The following UIMC1 variants were observed in gnomAD, a reference collection of about 807,000 sequenced individuals.
UIMC1 encodes the protein BRCA1-A complex subunit RAP80.
A neutral mutation model predicts 84.9 loss-of-function variants in UIMC1; 42 were observed. That is an observed-to-expected ratio of 0.49 (90% CI 0.39 to 0.64). The LOEUF (loss-of-function observed/expected upper bound fraction) is 0.64, where lower values mean the gene tolerates loss of function less well. Among genes scored for constraint, UIMC1 ranks in the 30% least tolerant of loss-of-function variants. UIMC1 has a pLI of 0.00. For missense variants in UIMC1, 825 were observed against 847.6 expected (o/e 0.97, Z 0.33); for synonymous variants, 281 against 293.0 (o/e 0.96, Z 0.42).
At chr5:176,986,186 C>T (rs1368434692) in intron 1 of UIMC1, among the ~76,000 whole-genome samples, 1 of 151,416 alleles carries the variant, frequency 6.6e-6, no homozygotes, top group East Asian at 1.9e-4. Context: ...ATGGTAAAAC[C>T]CCATCTCCAC....
intron 1 of UIMC1, among the ~76,000 whole-genome samples, chr5:176,997,783 A>G (rs1486853932): frequency 6.7e-6 from 1 of 148,686 alleles, no homozygotes. Flanking sequence ...TATGTCCCGT[A>G]TTATCTGCCC....
chr5:176,968,315 T>C (rs983084830), intron 6 of UIMC1, among the ~76,000 whole-genome samples: 1 of 150,376 alleles, frequency 6.6e-6, no homozygotes, highest in East Asian at 2.0e-4. Flanking sequence ...GAGATTGCAG[T>C]GAGCCGAAGA....
intron 8 of UIMC1, among the ~76,000 whole-genome samples, chr5:176,951,886 C>T (rs181222464): frequency 6.6e-6 from 1 of 152,186 alleles, no homozygotes; most frequent in Admixed American, 6.5e-5. Flanking sequence ...CCAAAAAGTT[C>T]TCTGTACCCC....
Position 176,980,502 on chromosome 5 carries a change from GAAGA to G in UIMC1, c.147+1963_147+1966del, listed in dbSNP as rs143871415. On this transcript the variant is annotated intron_variant, in intron 2 of 14. Transcript: ENST00000511320. ...ACAAAATTTTTTTTCCGAGGACACA[GAAGA>G]AATTACTGCCTTCAGATCACACAGA... 8.0e-3 allele frequency among the ~76,000 whole-genome samples: 1,221 copies of G among 152,208 alleles called. 22 individuals are homozygous for G. The highest frequency in any genetic ancestry group is 0.028 in the African/African-American group (1,164 of 41,538).
intron 6 of UIMC1, among the ~76,000 whole-genome samples, chr5:176,966,764 A>G (rs953865277): frequency 6.6e-6 from 1 of 152,224 alleles, no homozygotes; most frequent in African/African-American, 2.4e-5. Flanking sequence ...ATACACCATT[A>G]TGTAATGGGA....
intron 10 of UIMC1, among the ~76,000 whole-genome samples, chr5:176,940,664 G>T (rs1298948075): frequency 1.3e-5 from 2 of 152,090 alleles, no homozygotes; most frequent in African/African-American, 4.8e-5. Flanking sequence ...ACTAAAAGTG[G>T]TTGATAGCCA....
intron 10 of UIMC1, among the ~76,000 whole-genome samples, chr5:176,928,050 G>T (rs1277133246): frequency 6.6e-6 from 1 of 152,048 alleles, no homozygotes; most frequent in African/African-American, 2.4e-5. Flanking sequence ...CACCATGTTG[G>T]CCAGGCTGGT....
chr5:177,009,974 A>C (rs553626590), upstream of UIMC1, among the ~76,000 whole-genome samples: 1 of 152,292 alleles, frequency 6.6e-6, no homozygotes, highest in Non-Finnish European at 1.5e-5. This position sits in a 1 kb window ranked among gnomAD's most constrained non-coding sequence, Gnocchi z 4.3. Context: ...CCTGGGTGAC[A>C]GAGTGAGACT....
intron 10 of UIMC1, among the ~76,000 whole-genome samples, chr5:176,913,891 C>A (rs1760588837): frequency 6.6e-6 from 1 of 152,126 alleles, no homozygotes; most frequent in African/African-American, 2.4e-5. Flanking sequence ...GTGGGAGGAT[C>A]GCCTGAGCCA....
rs1489752188 is a variant in UIMC1, at chr5:176,961,160, G to T, written c.1201-3006C>A. Among the ~76,000 whole-genome samples the T allele has an allele frequency of 2.8e-5, 2 of 72,162 alleles. 1 individual carries two copies. The highest frequency in any genetic ancestry group is 5.0e-5 in the Non-Finnish European group (2 of 39,650). The allele number at this position is 72,162 out of a possible 152,430, so 47.3% of individuals were successfully genotyped here. Reference sequence around the variant, plus strand: ...TGGGAAGTGAGGAGCGTCTCCGCCCGGCCGCCATCCCATCTAGGAAGTGAG... The same window carrying T: ...TGGGAAGTGAGGAGCGTCTCCGCCCTGCCGCCATCCCATCTAGGAAGTGAG... On this transcript the variant is annotated intron_variant, in intron 6 of 14. Transcript: ENST00000511320.
intron 11 of UIMC1, among the ~76,000 whole-genome samples, 174 bp downstream of exon 11, chr5:176,911,115 GAAAAGAAAAGAAAAGAAAAGAA>G (rs1760110954): frequency 5.9e-5 from 1 of 17,020 alleles, no homozygotes; most frequent in African/African-American, 6.7e-4. Context: ...AGAGAGAGAA[GAAAAGAAAAGAAAAGAAAAGAA>G]AAGAAAAGAA....
intron 2 of UIMC1, among the ~76,000 whole-genome samples, chr5:176,977,093 T>C (rs1288327309): frequency 6.6e-6 from 1 of 151,682 alleles, no homozygotes; most frequent in Admixed American, 6.6e-5. Flanking sequence ...CGTGGTGGCA[T>C]ATGCCTGTAA....
chr5:176,940,446 G>T (rs190532312), intron 10 of UIMC1, among the ~76,000 whole-genome samples: 3 of 152,218 alleles, frequency 2.0e-5, no homozygotes, highest in Non-Finnish European at 2.9e-5. Flanking sequence ...GGACCTTGAT[G>T]TTGTATTGAA....
At chr5:176,916,825 A>T (rs941153649) in intron 10 of UIMC1, among the ~76,000 whole-genome samples, 1 of 152,220 alleles carries the variant, frequency 6.6e-6, no homozygotes, top group African/African-American at 2.4e-5. Context: ...AATTTTACAA[A>T]CAAAATGGAC....
intron 11 of UIMC1, 127 bp from the exon 12 acceptor site, chr5:176,908,821 A>G (rs894673457): frequency 1.1e-6 from 1 of 906,826 alleles, no homozygotes; most frequent in Non-Finnish European, 1.6e-6. Flanking sequence ...ATATCAACCA[A>G]TGCAGATTCA....
At chr5:176,925,535 C>T (rs965317527) in intron 10 of UIMC1, among the ~76,000 whole-genome samples, 9 of 152,062 alleles carry the variant, frequency 5.9e-5, no homozygotes, top group African/African-American at 1.9e-4. Flanking sequence ...TTCACAGCAG[C>T]ATTCTTAGTG....
intron 10 of UIMC1, among the ~76,000 whole-genome samples, chr5:176,912,844 T>A (rs572392325): frequency 6.6e-6 from 1 of 152,220 alleles, no homozygotes; most frequent in African/African-American, 2.4e-5. Context: ...TTTTTTGTAT[T>A]TTTATTAGAG....
intron 10 of UIMC1, among the ~76,000 whole-genome samples, chr5:176,917,599 AC>A (rs1172033143): frequency 6.6e-6 from 1 of 152,202 alleles, no homozygotes; most frequent in Non-Finnish European, 1.5e-5. Context: ...AAACAAAAAA[AC>A]AAATTATCTA....
intron 10 of UIMC1, among the ~76,000 whole-genome samples, chr5:176,920,454 T>C (rs1308612764): frequency 6.6e-6 from 1 of 152,240 alleles, no homozygotes; most frequent in Non-Finnish European, 1.5e-5. Context: ...TCTTATTTAA[T>C]TTCTTTCAAC....
Sources: gnomAD v4.1 joint callset for allele counts (sites outside exome capture counted in the v4.1 genomes callset) on GRCh38, gnomAD v4.1.1 for gene constraint, Gnocchi (gnomAD v3.1) non-coding constraint, MANE v1.5 for transcripts, NCBI Gene and HGNC (gene_info 2026-07-23, HGNC 2026-07-21) for gene names.